TENM4: variants seen among roughly 807,000 people sequenced by gnomAD.
TENM4 encodes the protein teneurin-4.
In TENM4, 82 loss-of-function variants were observed where a neutral mutation model predicts 243.3. That is an observed-to-expected ratio of 0.34 (90% confidence interval 0.28 to 0.40). The LOEUF (loss-of-function observed/expected upper bound fraction) is 0.40. Ranked by LOEUF, TENM4 falls within the 10% of genes least tolerant of loss-of-function variation. The pLI is 1.00. For missense variants in TENM4, 3,138 were observed against 3,673.3 expected, an observed-to-expected ratio of 0.85 and a Z score of 3.77; for synonymous variants, 1,412 against 1,456.3, an observed-to-expected ratio of 0.97 and a Z score of 0.69.
chr11:78,961,469 C>T (rs964242639), intron 6 of TENM4, among the ~76,000 whole-genome samples: 3 of 152,322 alleles, frequency 2.0e-5, no homozygotes, highest in Non-Finnish European at 4.4e-5. Flanking sequence ...ACCCCACCTC[C>T]CACCTTAAGA....
At chr11:78,993,853 C>A (rs1347784178) in intron 6 of TENM4, among the ~76,000 whole-genome samples, 1 of 152,188 alleles carries the variant, frequency 6.6e-6, no homozygotes, top group Non-Finnish European at 1.5e-5. Context: ...TATGTTTCTA[C>A]TGAGTAATCT....
At chr11:78,728,557 T>A (rs757001702) in intron 22 of TENM4, among the ~76,000 whole-genome samples, 22 of 141,818 alleles carry the variant, frequency 1.6e-4, no homozygotes, top group Admixed American at 7.7e-4. Flanking sequence ...CTCTTCCTCC[T>A]TCCCTCCCTT....
At chr11:79,367,487 G>C (rs749417808) in intron 1 of TENM4, among the ~76,000 whole-genome samples, 1 of 152,096 alleles carries the variant, frequency 6.6e-6, no homozygotes, top group Admixed American at 6.5e-5. Context: ...TCTGCCAAGA[G>C]TTAATACATA....
intron 4 of TENM4, among the ~76,000 whole-genome samples, chr11:79,138,792 A>G (rs1862178976): frequency 1.7e-5 from 2 of 115,312 alleles, no homozygotes; most frequent in Non-Finnish European, 3.3e-5. Context: ...ATATTTATAT[A>G]AATACATAAA....
At chr11:79,036,910 C>G (rs949754737) in intron 6 of TENM4, among the ~76,000 whole-genome samples, 1 of 148,444 alleles carries the variant, frequency 6.7e-6, no homozygotes, top group Non-Finnish European at 1.5e-5. Context: ...ACTCAGGAGG[C>G]TGAGGCAGGA....
intron 4 of TENM4, among the ~76,000 whole-genome samples, chr11:79,108,667 G>C (rs999069023): frequency 2.6e-5 from 4 of 152,004 alleles, no homozygotes; most frequent in Admixed American, 2.6e-4. Flanking sequence ...CCCTGAGAAG[G>C]AGACAACATC....
intron 2 of TENM4, among the ~76,000 whole-genome samples, chr11:79,246,624 TAAA>T (rs1855521183): frequency 6.6e-6 from 1 of 152,174 alleles, no homozygotes; most frequent in African/African-American, 2.4e-5. Context: ...GGATGACTCT[TAAA>T]AAGATGACAT....
At chr11:78,965,640 G>A (rs1476167266) in intron 6 of TENM4, among the ~76,000 whole-genome samples, 1 of 152,220 alleles carries the variant, frequency 6.6e-6, no homozygotes, top group Non-Finnish European at 1.5e-5. Flanking sequence ...AAGCCCTGGG[G>A]TGAGAACGGC....
At chr11:78,854,834 T>C (rs1185294383) in intron 11 of TENM4, among the ~76,000 whole-genome samples, 2 of 152,210 alleles carry the variant, frequency 1.3e-5, no homozygotes, top group Non-Finnish European at 2.9e-5. Context: ...CTTTGGTCAA[T>C]GGTTCTTTCT....
chr11:78,968,648 C>T (rs185696041), intron 6 of TENM4, among the ~76,000 whole-genome samples: 168 of 152,300 alleles, frequency 1.1e-3, no homozygotes, highest in Non-Finnish European at 1.6e-3. Context: ...AGGCCAGGAA[C>T]GGGCCCAGAT....
chr11:79,143,407 T>C (rs1432857429), intron 4 of TENM4, among the ~76,000 whole-genome samples: 1 of 152,116 alleles, frequency 6.6e-6, no homozygotes, highest in African/African-American at 2.4e-5. Context: ...ACCATCATTC[T>C]GAGCAAACTA....
rs556415271 is a variant in TENM4 at position 78,670,116 on chromosome 11, C to T, written c.6229G>A (p.Val2077Ile). ...QIFRFTEEGMVNARFDYNYDN... is the reference protein window; with the variant it reads ...QIFRFTEEGMINARFDYNYDN... ...TAGTTGTAGTCAAAACGGGCGTTGA[C>T]CATGCCTTCCTCAGTGAAGCGGAAG... The change falls in exon 32 of 34, where the codon GTC becomes ATC. Residue 2077 changes from valine to isoleucine, a missense_variant. By Grantham distance (29) the Val-to-Ile change is conservative. Transcript: ENST00000278550. 6.8e-6 allele frequency: 11 copies of T among 1,613,806 alleles called. No individual in the cohort carries two copies. Among genetic ancestry groups the T allele is most frequent in the Middle Eastern group, 1.6e-4 (1 of 6,084 alleles).
At chr11:79,403,824 T>G (rs930844815) in intron 1 of TENM4, among the ~76,000 whole-genome samples, 10 of 151,734 alleles carry the variant, frequency 6.6e-5, no homozygotes, top group African/African-American at 2.4e-4. Context: ...AGGGGGGTGG[T>G]GGGGGTGGTT....
At chr11:79,064,104 A>G (rs1386740173) in intron 6 of TENM4, among the ~76,000 whole-genome samples, 1 of 152,126 alleles carries the variant, frequency 6.6e-6, no homozygotes, top group Non-Finnish European at 1.5e-5. Context: ...TGTGGTGAGA[A>G]TATTTAAAAA....
chr11:79,039,990 G>A (rs1859477344), intron 6 of TENM4, among the ~76,000 whole-genome samples: 2 of 149,998 alleles, frequency 1.3e-5, no homozygotes. Context: ...ATCTTTTGGG[G>A]ACCACTACTA....
intron 3 of TENM4, among the ~76,000 whole-genome samples, chr11:79,150,694 C>A (rs1301456945): frequency 6.6e-6 from 1 of 152,148 alleles, no homozygotes; most frequent in African/African-American, 2.4e-5. Context: ...TCTAGAAATT[C>A]CTGCCTCCAT....
At chr11:78,713,561 T>C (rs1222616596) in intron 25 of TENM4, among the ~76,000 whole-genome samples, 2 of 152,204 alleles carry the variant, frequency 1.3e-5, no homozygotes, top group South Asian at 2.1e-4. Flanking sequence ...TCTAGCTCCG[T>C]AATTTCCTGG....
chr11:79,164,074 TAC>T (rs550524918), intron 3 of TENM4, among the ~76,000 whole-genome samples: 56 of 29,636 alleles, frequency 1.9e-3, no homozygotes, highest in East Asian at 9.2e-3. Flanking sequence ...AGTGTATATA[TAC>T]ACTATATATA....
intron 4 of TENM4, among the ~76,000 whole-genome samples, chr11:79,088,429 C>T (rs1347533608): frequency 6.6e-6 from 1 of 152,220 alleles, no homozygotes; most frequent in Non-Finnish European, 1.5e-5. Context: ...GGGTGCATAG[C>T]AGCCCAGACA....
Sources: gnomAD v4.1 joint callset for allele counts (sites outside exome capture counted in the v4.1 genomes callset) on GRCh38, gnomAD v4.1.1 for gene constraint, MANE v1.5 for transcripts, NCBI Gene and HGNC (gene_info 2026-07-23, HGNC 2026-07-21) for gene names.